The following PSTPIP1 variants were observed in gnomAD, a reference collection of about 807,000 sequenced individuals.
The protein encoded by PSTPIP1 is proline-serine-threonine phosphatase interacting protein 1.
PSTPIP1 carries 66 observed loss-of-function variants against 69.6 expected under a neutral mutation model. The ratio of observed to expected loss-of-function variants is 0.95; its 90% CI spans 0.78 to 1.16. The LOEUF (loss-of-function observed/expected upper bound fraction) is 1.16, where lower values mean the gene tolerates loss of function less well. PSTPIP1 is among the 50% of genes most tolerant of loss of function. The pLI is 0.00. For missense variants in PSTPIP1, 603 were observed against 557.4 expected, an observed-to-expected ratio of 1.08 and a Z score of -0.82; for synonymous variants, 266 against 222.7, an observed-to-expected ratio of 1.19 and a Z score of -1.73.
At chr15:77,014,891 A>C (rs979676229) in intron 1 of PSTPIP1, among the ~76,000 whole-genome samples, 5 of 152,258 alleles carry the variant, frequency 3.3e-5, no homozygotes, top group African/African-American at 1.2e-4. Flanking sequence ...ATGCCGCCTG[A>C]GGCCGATGGC....
At chr15:77,012,199 A>G (rs572140564) in intron 1 of PSTPIP1, among the ~76,000 whole-genome samples, 1 of 95,846 alleles carries the variant, frequency 1.0e-5, no homozygotes, top group Non-Finnish European at 2.0e-5. Flanking sequence ...CCACCTGTCC[A>G]TCCATCCATC....
Position 77,030,526 on chromosome 15 carries a change from C to T in PSTPIP1, c.587C>T (p.Ala196Val), listed in dbSNP as rs370965231. 150 of 1,612,526 alleles carry T rather than the reference C, an allele frequency of 9.3e-5. No individual in the cohort carries two copies. The highest frequency in any genetic ancestry group is 8.0e-4 in the African/African-American group (60 of 75,044). Residue 196 changes from alanine to valine, a missense_variant, in exon 9 of 15, where the codon GCG becomes GTG. Transcript: ENST00000558012. Reference protein sequence around the residue: ...EAERVYRQSIAQLEKVRAEWE... With the variant: ...EAERVYRQSIVQLEKVRAEWE... ...GAGCGGGTATACAGGCAGAGCATTG[C>T]GCAGCTGGAGAAGGTCCGGGCTGAG...
At chr15:77,025,248 T>C in intron 3 of PSTPIP1, 36 bp from the exon 4 acceptor site, 2 of 1,589,424 alleles carry the variant, frequency 1.3e-6, no homozygotes, top group Non-Finnish European at 1.7e-6. Context: ...CCCGCTGTGC[T>C]CTCCTCCTCC....
chr15:77,035,362 T>C (rs2076533722), intron 12 of PSTPIP1, 146 bp from the exon 13 acceptor site: 1 of 833,870 alleles, frequency 1.2e-6, no homozygotes, highest in African/African-American at 1.7e-5. Flanking sequence ...ACCTCATAAA[T>C]GACATCCATG....
intron 1 of PSTPIP1, among the ~76,000 whole-genome samples, chr15:77,002,243 C>A (rs956535837): frequency 5.3e-5 from 8 of 152,186 alleles, no homozygotes; most frequent in Non-Finnish European, 1.2e-4. Context: ...AGCAGGGACT[C>A]CCACCTAGGT....
chr15:77,002,511 T>C (rs900862640), intron 1 of PSTPIP1, among the ~76,000 whole-genome samples: 1 of 152,114 alleles, frequency 6.6e-6, no homozygotes, highest in Non-Finnish European at 1.5e-5. Context: ...TAGGCCAAAT[T>C]TGTGGTTTGC....
At chr15:77,010,540 A>G (rs1247645577) in intron 1 of PSTPIP1, among the ~76,000 whole-genome samples, 2 of 152,210 alleles carry the variant, frequency 1.3e-5, no homozygotes, top group African/African-American at 2.4e-5. Flanking sequence ...GCACAGGAAC[A>G]GCACTAGCAC....
At chr15:76,999,068 C>G (rs900979218) in intron 1 of PSTPIP1, among the ~76,000 whole-genome samples, 15 of 152,108 alleles carry the variant, frequency 9.9e-5, no homozygotes, top group Admixed American at 9.8e-4. Context: ...GCTGGGAAGC[C>G]CAGAGAAGGA....
rs749158155 is a variant in PSTPIP1 at position 77,031,327 on chromosome 15, C to G, written c.741+49C>G. On this transcript the variant is annotated intron_variant, in intron 10 of 14. Coordinates refer to ENST00000558012, the MANE Select transcript of PSTPIP1 (RefSeq NM_003978.5). ...GGGGTAAGGTAGGGCAGCCTCTAGGCAGCAAAGCACCCAGGTCCATCTGAG... is the reference window on the plus strand; with the variant it reads ...GGGGTAAGGTAGGGCAGCCTCTAGGGAGCAAAGCACCCAGGTCCATCTGAG... The G allele has an allele frequency of 6.4e-6, 10 of 1,568,364 alleles. No homozygotes were observed. In the East Asian group the frequency reaches 2.3e-4, roughly 35 times the overall value.
At chr15:77,019,593 G>C (rs1050473674) in intron 3 of PSTPIP1, among the ~76,000 whole-genome samples, 2 of 152,250 alleles carry the variant, frequency 1.3e-5, no homozygotes, top group Non-Finnish European at 2.9e-5. Context: ...GCTCTGAGGA[G>C]CCCTTGGAGC....
intron 1 of PSTPIP1, among the ~76,000 whole-genome samples, chr15:77,009,733 G>T (rs922996319): frequency 2.6e-5 from 4 of 152,192 alleles, no homozygotes; most frequent in African/African-American, 9.7e-5. Flanking sequence ...TCACAGAGGA[G>T]GAATCTGGGC....
chr15:77,032,354 C>T lies in PSTPIP1; in HGVS notation c.798C>T (p.Asp266=), dbSNP rs1364643879. Reference sequence around the variant, plus strand: ...GCTGCAGCATAGACGCCGACATCGACAGTTTCATCCAGGCCAAGAGCACGG... The same window carrying T: ...GCTGCAGCATAGACGCCGACATCGATAGTTTCATCCAGGCCAAGAGCACGG... ...LEGCSIDADI[D]SFIQAKSTGT... The change falls in exon 11 of 15, where the codon GAC becomes GAT. Residue 266 remains aspartate, a synonymous_variant. Coordinates refer to ENST00000558012, the MANE Select transcript of PSTPIP1 (RefSeq NM_003978.5). 23 of 1,612,566 alleles carry T rather than the reference C, an allele frequency of 1.4e-5. No individual in the cohort carries two copies. Among genetic ancestry groups the T allele is most frequent in the Non-Finnish European group, 1.9e-5 (23 of 1,179,796 alleles).
At chr15:77,008,842 C>G (rs535803282) in intron 1 of PSTPIP1, among the ~76,000 whole-genome samples, 2 of 152,180 alleles carry the variant, frequency 1.3e-5, no homozygotes, top group African/African-American at 4.8e-5. Flanking sequence ...TAAGTAGAGT[C>G]GTGTTTCTCC....
intron 4 of PSTPIP1, 46 bp from the exon 5 acceptor site, chr15:77,025,452 C>T: frequency 3.2e-6 from 5 of 1,585,854 alleles, no homozygotes; most frequent in Non-Finnish European, 4.3e-6. Flanking sequence ...TGGCTGAGGC[C>T]CATCAGATCT....
At chr15:77,025,817 C>T (rs2076268498) in intron 5 of PSTPIP1, among the ~76,000 whole-genome samples, 1 of 152,178 alleles carries the variant, frequency 6.6e-6, no homozygotes, top group South Asian at 2.1e-4. Flanking sequence ...CTCTTAGTCC[C>T]AGAGCCCCAT....
intron 3 of PSTPIP1, among the ~76,000 whole-genome samples, chr15:77,022,091 C>G (rs906333494): frequency 3.9e-5 from 6 of 152,250 alleles, no homozygotes; most frequent in African/African-American, 1.4e-4. Flanking sequence ...CCAGTTGTCA[C>G]AAACCAAAAA....
chr15:77,022,713 A>T (rs117606006), intron 3 of PSTPIP1, among the ~76,000 whole-genome samples: 1 of 152,172 alleles, frequency 6.6e-6, no homozygotes, highest in Non-Finnish European at 1.5e-5. Flanking sequence ...TTGAAATTTC[A>T]TCTGGGGCCA....
intron 3 of PSTPIP1, chr15:77,023,639 A>G (rs2152682667): frequency 6.5e-6 from 1 of 152,732 alleles, no homozygotes; most frequent in South Asian, 2.1e-4. Context: ...GCAGGTGCTG[A>G]GTCCGGTTTT....
At chr15:77,006,057 CCAAA>C (rs1314990229) in intron 1 of PSTPIP1, among the ~76,000 whole-genome samples, 1 of 152,116 alleles carries the variant, frequency 6.6e-6, no homozygotes, top group Non-Finnish European at 1.5e-5. Flanking sequence ...TGAGTAACCG[CCAAA>C]CAGTTTTACA....
Sources: allele counts gnomAD v4.1 joint callset (sites outside exome capture counted in the v4.1 genomes callset), GRCh38; gene constraint gnomAD v4.1.1; transcripts MANE v1.5; gene names NCBI Gene and HGNC (gene_info 2026-07-23, HGNC 2026-07-21).